TENM3: variants seen among roughly 807,000 people sequenced by gnomAD.
The protein encoded by TENM3 is teneurin transmembrane protein 3, also known as teneurin-3.
TENM3 carries 63 observed loss-of-function variants against 255.1 expected under a neutral mutation model. The ratio of observed to expected loss-of-function variants is 0.25; its 90% confidence interval spans 0.20 to 0.30. The LOEUF (loss-of-function observed/expected upper bound fraction) is 0.30, where lower values mean the gene tolerates loss of function less well. Among genes scored for constraint, TENM3 ranks in the 10% least tolerant of loss-of-function variants. The pLI, the probability that TENM3 is intolerant of heterozygous loss-of-function variation, is 1.00. For synonymous variants in TENM3, 1,306 were observed against 1,322.3 expected, an observed-to-expected ratio of 0.99 and a Z score of 0.27; for missense variants, 2,929 against 3,461.1, an observed-to-expected ratio of 0.85 and a Z score of 3.86.
chr4:181,616,697 G>T, the TENM3 span, among the ~76,000 whole-genome samples: 1 of 152,100 alleles, frequency 6.6e-6, no homozygotes, highest in East Asian at 1.9e-4. Flanking sequence ...GGGGCTGCTG[G>T]TTCCAGTCCT....
the TENM3 span, among the ~76,000 whole-genome samples, chr4:182,129,439 G>C: frequency 6.6e-6 from 1 of 152,066 alleles, no homozygotes; most frequent in East Asian, 1.9e-4. Context: ...ATCAAATTTA[G>C]AAGGCGTAGT....
At chr4:181,797,475 C>G in the TENM3 span, among the ~76,000 whole-genome samples, 2 of 152,072 alleles carry the variant, frequency 1.3e-5, no homozygotes, top group African/African-American at 4.8e-5. Flanking sequence ...TAGGCTCTAT[C>G]GGTATAACGA....
At chr4:181,947,795 C>G in the TENM3 span, among the ~76,000 whole-genome samples, 872 of 152,140 alleles carry the variant, frequency 5.7e-3, 5 homozygotes, top group African/African-American at 0.02. Context: ...GTATCAGTGG[C>G]AAAATCTGAA....
the TENM3 span, among the ~76,000 whole-genome samples, chr4:181,685,138 C>G: frequency 6.6e-6 from 1 of 152,036 alleles, no homozygotes; most frequent in South Asian, 2.1e-4. Context: ...ATTAAGTGTG[C>G]AGAATGTGAT....
At chr4:181,791,162 G>A in the TENM3 span, among the ~76,000 whole-genome samples, 7 of 152,298 alleles carry the variant, frequency 4.6e-5, no homozygotes, top group East Asian at 1.9e-4. Flanking sequence ...AAATTGCCCC[G>A]GACCAGGCGA....
chr4:182,125,495 C>G, the TENM3 span, among the ~76,000 whole-genome samples: 1 of 152,052 alleles, frequency 6.6e-6, no homozygotes, highest in African/African-American at 2.4e-5. Context: ...GAAATGCCAC[C>G]GTAAAATGAA....
chr4:182,554,264 GTTC>G (rs1286149083), intron 3 of TENM3, among the ~76,000 whole-genome samples: 1 of 152,016 alleles, frequency 6.6e-6, no homozygotes, highest in Non-Finnish European at 1.5e-5. Context: ...TATTTGTACT[GTTC>G]TTCTAATAGA....
intron 3 of TENM3, among the ~76,000 whole-genome samples, chr4:182,475,758 T>C (rs1733633402): frequency 6.6e-6 from 1 of 152,236 alleles, no homozygotes. Context: ...ATTTTACCTT[T>C]CTGTAGTCAC....
the TENM3 span, among the ~76,000 whole-genome samples, chr4:181,990,796 C>T: frequency 4.6e-5 from 7 of 152,040 alleles, no homozygotes; most frequent in Admixed American, 1.3e-4. Flanking sequence ...TATTAAACCC[C>T]GGAACTCCTA....
intron 1 of TENM3, among the ~76,000 whole-genome samples, chr4:182,154,404 G>A (rs181665445): frequency 6.6e-6 from 1 of 152,222 alleles, no homozygotes; most frequent in East Asian, 1.9e-4. Context: ...TTATCAAGTA[G>A]CACTAGACTA....
At chr4:182,158,234 A>G (rs1406305621) in intron 1 of TENM3, among the ~76,000 whole-genome samples, 1 of 152,248 alleles carries the variant, frequency 6.6e-6, no homozygotes, top group African/African-American at 2.4e-5. Context: ...ATGCCAGAAG[A>G]TGGATTGTGT....
At chr4:181,828,556 C>T in the TENM3 span, among the ~76,000 whole-genome samples, 1 of 152,152 alleles carries the variant, frequency 6.6e-6, no homozygotes, top group Admixed American at 6.5e-5. Flanking sequence ...CAAAACAACA[C>T]TTGAACCCAG....
At chr4:181,532,326 C>G in the TENM3 span, among the ~76,000 whole-genome samples, 1 of 151,910 alleles carries the variant, frequency 6.6e-6, no homozygotes, top group East Asian at 1.9e-4. Flanking sequence ...GGATTAGGAC[C>G]CTGCCAGATT....
At chr4:181,703,700 G>C in the TENM3 span, among the ~76,000 whole-genome samples, 1 of 152,186 alleles carries the variant, frequency 6.6e-6, no homozygotes, top group African/African-American at 2.4e-5. Flanking sequence ...GCAGGTGGAA[G>C]CAATGTCTGT....
At chr4:182,583,198 A>G (rs539889704) in intron 3 of TENM3, among the ~76,000 whole-genome samples, 4 of 152,310 alleles carry the variant, frequency 2.6e-5, no homozygotes, top group Non-Finnish European at 4.4e-5. Flanking sequence ...ATCCCAGAAT[A>G]AGCCCCTTGC....
At chr4:182,788,829 A>G (rs900618054) in intron 24 of TENM3, among the ~76,000 whole-genome samples, 5 of 152,226 alleles carry the variant, frequency 3.3e-5, no homozygotes, top group Non-Finnish European at 7.3e-5. Context: ...TAAGACACAT[A>G]CATTTTGGTA....
At chr4:182,043,149 C>T in the TENM3 span, among the ~76,000 whole-genome samples, 1 of 152,064 alleles carries the variant, frequency 6.6e-6, no homozygotes, top group Non-Finnish European at 1.5e-5. Context: ...AATAAGCATT[C>T]CTGCGTGCAC....
At chr4:181,679,009 C>T in the TENM3 span, among the ~76,000 whole-genome samples, 16 of 152,204 alleles carry the variant, frequency 1.1e-4, no homozygotes, top group South Asian at 1.0e-3. Flanking sequence ...CCAGGGACTC[C>T]ATATTTCTAT....
At chr4:182,099,978 A>G in the TENM3 span, among the ~76,000 whole-genome samples, 301 of 152,272 alleles carry the variant, frequency 2.0e-3, no homozygotes, top group Non-Finnish European at 3.6e-3. Flanking sequence ...CTGTCCCGCA[A>G]GACTTGATCC....
Sources: gnomAD v4.1 joint callset for allele counts (sites outside exome capture counted in the v4.1 genomes callset) on GRCh38, gnomAD v4.1.1 for gene constraint, MANE v1.5 for transcripts, NCBI Gene and HGNC (gene_info 2026-07-23, HGNC 2026-07-21) for gene names.